The following ABCA3 variants were observed in gnomAD, a reference collection of about 807,000 sequenced individuals.
ABCA3 encodes the protein ATP binding cassette subfamily A member 3, also known as phospholipid-transporting ATPase ABCA3.
Under a neutral mutation model 172.8 loss-of-function variants are expected in ABCA3, and 88 were observed. The observed-to-expected ratio is 0.51, with a 90% CI of 0.43 to 0.61. ABCA3 has a LOEUF of 0.61. ABCA3 is among the 20% of genes least tolerant of loss of function. ABCA3 has a pLI of 0.00. For synonymous variants in ABCA3, 1,066 were observed against 983.8 expected, an observed-to-expected ratio of 1.08 and a Z score of -1.56; for missense variants, 2,164 against 2,301.0, an observed-to-expected ratio of 0.94 and a Z score of 1.22.
chr16:2,299,634 C>A, intron 13 of ABCA3, 102 bp from the exon 14 acceptor site: 1 of 1,559,562 alleles, frequency 6.4e-7, no homozygotes, highest in Non-Finnish European at 8.7e-7. Flanking sequence ...AGGAACCAAG[C>A]CTAGCGTCAC....
intron 18 of ABCA3, among the ~76,000 whole-genome samples, chr16:2,293,346 T>A (rs372747981): frequency 6.7e-6 from 1 of 148,672 alleles, no homozygotes; most frequent in African/African-American, 2.5e-5. Context: ...GCTACCAAGC[T>A]ACCGTGCCTG....
In ABCA3 at chr16:2,319,742, G is replaced by A; in HGVS notation, c.712C>T (p.Leu238=). The A allele has an allele frequency of 6.2e-7, 1 of 1,614,026 alleles. No individual in the cohort carries two copies. The highest frequency in any genetic ancestry group is 8.5e-7 in the Non-Finnish European group (1 of 1,180,026). ...DAATRQLFQR[L]TVTIKRFPYP... is the part of the protein sequence containing the mutation. The stretch of plus-strand genomic sequence containing the variant: ...GGGAACCTCTTGATGGTCACCGTCA[G>A]TCTCTGGAACAGCTGGCGTGTGGCG... Residue 238 remains leucine (L), a synonymous_variant, in exon 8 of 33, where the codon CTG becomes TTG. Coordinates refer to ENST00000301732, the MANE Select transcript of ABCA3 (RefSeq NM_001089.3).
At chr16:2,300,959 G>C (rs1421513187) in intron 12 of ABCA3, among the ~76,000 whole-genome samples, 1 of 150,112 alleles carries the variant, frequency 6.7e-6, no homozygotes, top group Non-Finnish European at 1.5e-5. Context: ...GGCTGGGCAC[G>C]GTGGCTCGAG....
chr16:2,308,330 G>T, intron 11 of ABCA3, 120 bp downstream of exon 11: 1 of 1,239,906 alleles, frequency 8.1e-7, no homozygotes, highest in Non-Finnish European at 1.2e-6. Flanking sequence ...GCTGCCTTCA[G>T]TGGTCCCAAC....
chr16:2,298,208 G>A (rs537044441), intron 15 of ABCA3, among the ~76,000 whole-genome samples, 178 bp downstream of exon 15: 26 of 149,314 alleles, frequency 1.7e-4, no homozygotes, highest in African/African-American at 6.0e-4. Context: ...CTGGCGGGAG[G>A]CCGACCCTGG....
chr16:2,314,513 C>T (rs1355496102), intron 10 of ABCA3, among the ~76,000 whole-genome samples: 1 of 151,596 alleles, frequency 6.6e-6, no homozygotes, highest in African/African-American at 2.4e-5. Context: ...AACATGAAAA[C>T]CATTCTGGAG....
intron 26 of ABCA3, among the ~76,000 whole-genome samples, chr16:2,282,158 T>C (rs1249149148): frequency 6.6e-6 from 1 of 152,158 alleles, no homozygotes; most frequent in Non-Finnish European, 1.5e-5. Context: ...TGGGATGCAA[T>C]GGTGTAATCA....
chr16:2,337,894 G>A (rs1475881735), intron 1 of ABCA3, among the ~76,000 whole-genome samples: 1 of 152,214 alleles, frequency 6.6e-6, no homozygotes, highest in African/African-American at 2.4e-5. Context: ...TAGGATCACA[G>A]GCTCTGCGTT....
At chr16:2,295,519 C>T in intron 18 of ABCA3, 71 bp downstream of exon 18, 21 of 1,598,830 alleles carry the variant, frequency 1.3e-5, no homozygotes, top group Non-Finnish European at 1.8e-5. Context: ...CCTCTGAGCA[C>T]AAAGCCCTCA....
intron 32 of ABCA3, 94 bp from the exon 33 acceptor site, chr16:2,276,899 C>T (rs2093647323): frequency 1.3e-6 from 2 of 1,530,428 alleles, no homozygotes; most frequent in Admixed American, 1.7e-5. Context: ...GCTGATGAGG[C>T]CCCCACAATC....
chr16:2,307,126 A>C (rs1463181671), intron 11 of ABCA3, among the ~76,000 whole-genome samples: 1 of 152,064 alleles, frequency 6.6e-6, no homozygotes, highest in African/African-American at 2.4e-5. Context: ...AAAAAACAAA[A>C]AAGAAAAGAA....
chr16:2,322,017 G>C (rs2093726808), intron 7 of ABCA3, among the ~76,000 whole-genome samples: 1 of 152,032 alleles, frequency 6.6e-6, no homozygotes, highest in African/African-American at 2.4e-5. Flanking sequence ...GGCCAACGTG[G>C]TGAAACCCCG....
chr16:2,336,847 A>G (rs1039847590), intron 1 of ABCA3, among the ~76,000 whole-genome samples: 1 of 151,996 alleles, frequency 6.6e-6, no homozygotes. Context: ...GCATGTTTAT[A>G]CAATAGTTTT....
chr16:2,323,570 G>C lies in ABCA3; in HGVS notation c.566C>G (p.Pro189Arg), dbSNP rs745960927. 12 of 1,614,162 alleles carry C rather than the reference G, an allele frequency of 7.4e-6. No homozygotes were observed. In the South Asian group the frequency reaches 1.3e-4, roughly 18 times the overall value. Residue 189 changes from proline (P) to arginine (R), a missense_variant, in exon 7 of 33, where the codon CCA becomes CGA. Physicochemically the swap from Pro to Arg is moderately radical, Grantham distance 103 (BLOSUM62 -2). This residue lies in a region of ABCA3 where 1,343 missense variants were observed against 1,369.6 expected (regional missense o/e 0.98). Transcript: ENST00000301732. The stretch of plus-strand genomic sequence containing the variant: ...TGTAGGTTCCCTTGGTCCTGGGTTT[G>C]GGAAAAGCGGGAAAAGGGAAGTAGT... Reference protein sequence around the residue: ...WHTTSLFPLFPNPGPREPTSP... With the variant: ...WHTTSLFPLFRNPGPREPTSP...
chr16:2,308,232 ACCT>A (rs1431309028), intron 11 of ABCA3, among the ~76,000 whole-genome samples: 1 of 151,984 alleles, frequency 6.6e-6, no homozygotes, highest in Non-Finnish European at 1.5e-5. Flanking sequence ...GGCTCCCATC[ACCT>A]CCTGCTGTGC....
At chr16:2,328,996 C>CT (rs11342708) in intron 2 of ABCA3, among the ~76,000 whole-genome samples, 2,223 of 134,268 alleles carry the variant, frequency 0.017, 35 homozygotes, top group African/African-American at 0.046. Context: ...AAAACTCTTG[C>CT]TTTTTTTTTT....
intron 1 of ABCA3, chr16:2,332,728 G>T: frequency 1.7e-6 from 2 of 1,205,982 alleles, no homozygotes; most frequent in South Asian, 1.2e-5. Context: ...GACCCGCACC[G>T]ATTGCCTCCT....
chr16:2,283,539 G>A lies in ABCA3; in HGVS notation c.3863-181C>T, dbSNP rs1266886056. On this transcript the variant is annotated intron_variant, in intron 25 of 32. Transcript: ENST00000301732. The surrounding 1 kb of genome is among the most constrained non-coding windows in gnomAD (Gnocchi z 5.4). ...CTCGAGGCACCACAGCTCAGAGAGG[G>A]GCCAGGCACGTAACAATCCAATGCA... 6.0e-6 allele frequency: 4 copies of A among 663,306 alleles called. No homozygotes were observed. The highest frequency in any genetic ancestry group is 5.0e-6 in the Non-Finnish European group (2 of 396,462). The allele number at this position is 663,306 out of a possible 1,614,324, so 41.1% of individuals were successfully genotyped here.
Position 2,285,706 on chromosome 16 carries a change from C to T in ABCA3, c.3279-60G>A, listed in dbSNP as rs1374352505. The T allele has an allele frequency of 7.2e-6, 11 of 1,526,196 alleles. No individual in the cohort carries two copies. The East Asian group carries it at 7.3e-5, about 10-fold the overall frequency. The allele number at this position is 1,526,196 out of a possible 1,614,324, so 94.5% of individuals were successfully genotyped here. A position where few individuals can be genotyped will look rare whatever the true frequency, so the allele number is the denominator to read the frequency against. ...AGCACGTCTGGGTGGCAGGAGAGGT[C>T]GGGTTCTCGGTTATGACCGCCCAAG... On this transcript the variant is annotated intron_variant, in intron 22 of 32. Coordinates refer to ENST00000301732, the MANE Select transcript of ABCA3 (RefSeq NM_001089.3). This position sits in a 1 kb window ranked among gnomAD's most constrained non-coding sequence, Gnocchi z 4.7.
Sources: gnomAD v4.1 joint callset for allele counts (sites outside exome capture counted in the v4.1 genomes callset) on GRCh38, gnomAD v4.1.1 for gene constraint, gnomAD v4.1.1 regional missense constraint, Gnocchi (gnomAD v3.1) non-coding constraint, MANE v1.5 for transcripts, NCBI Gene and HGNC (gene_info 2026-07-23, HGNC 2026-07-21) for gene names.